The following EVL variants were observed in gnomAD, a reference collection of about 807,000 sequenced individuals.
EVL encodes ena/VASP-like protein.
EVL carries 21 observed loss-of-function variants against 59.6 expected under a neutral mutation model. That is an observed-to-expected ratio of 0.35 (90% confidence interval 0.25 to 0.51). The LOEUF is 0.51. Ranked by LOEUF, EVL falls within the 20% of genes least tolerant of loss-of-function variation. The pLI is 0.97. For missense variants in EVL, 462 were observed against 546.6 expected, an observed-to-expected ratio of 0.85 and a Z score of 1.54; for synonymous variants, 198 against 203.5, an observed-to-expected ratio of 0.97 and a Z score of 0.23.
upstream of EVL, among the ~76,000 whole-genome samples, chr14:100,062,193 G>C: frequency 7.9e-6 from 1 of 126,102 alleles, no homozygotes; most frequent in East Asian, 2.1e-4. Context: ...TGCTGTTCAA[G>C]AGTCAGCTGT....
rs138530625 is a variant in EVL, at chr14:99,984,132, C to T, written c.5+12075C>T. Among the ~76,000 whole-genome samples, 17 of 152,252 alleles carry T rather than the reference C, an allele frequency of 1.1e-4. No individual in the cohort carries two copies. In the East Asian group the frequency reaches 3.3e-3, roughly 29 times the overall value. ...CTTCTAAGGACAGCATTTCAGGTGG[C>T]CACCCCCAAATCGTAGAAGCTAGCA... On this transcript the variant is annotated intron_variant, in intron 1 of 13. Coordinates refer to the EVL transcript ENST00000402714.
chr14:100,092,568 A>G (rs1226296928), intron 2 of EVL, among the ~76,000 whole-genome samples: 2 of 152,060 alleles, frequency 1.3e-5, no homozygotes, highest in East Asian at 3.9e-4. Flanking sequence ...AACCCCATCA[A>G]TACTAAAAAT....
At chr14:100,078,970 G>A (rs1450974372) in intron 1 of EVL, among the ~76,000 whole-genome samples, 2 of 152,210 alleles carry the variant, frequency 1.3e-5, no homozygotes, top group Non-Finnish European at 2.9e-5. Flanking sequence ...GGGAGAGAGA[G>A]TGAGGCCTTG....
At chr14:100,113,888 G>A (rs760438284) in intron 3 of EVL, among the ~76,000 whole-genome samples, 5 of 152,112 alleles carry the variant, frequency 3.3e-5, no homozygotes, top group Admixed American at 6.5e-5. Flanking sequence ...CCAAAGTAAG[G>A]ATGAACCCAA....
chr14:99,993,591 C>A (rs907673246), intron 1 of EVL, among the ~76,000 whole-genome samples: 3 of 151,148 alleles, frequency 2.0e-5, no homozygotes, highest in Non-Finnish European at 4.4e-5. Context: ...TGGAAAAATT[C>A]TCCAGTGAAG....
upstream of EVL, among the ~76,000 whole-genome samples, chr14:100,061,168 A>T (rs2061821748): frequency 6.6e-6 from 1 of 152,092 alleles, no homozygotes; most frequent in African/African-American, 2.4e-5. Flanking sequence ...AGGTGGACGG[A>T]TCCCTTGAGA....
rs117240648 is a variant in EVL, at chr14:100,082,986, C to T, written c.12-1701C>T. ...GTTCTCCTGCAGGGGAACTGAAGGGCGTGCTTCCATGGCTGCCACACAGGG... is the reference window on the plus strand; with the variant it reads ...GTTCTCCTGCAGGGGAACTGAAGGGTGTGCTTCCATGGCTGCCACACAGGG... On this transcript the variant is annotated intron_variant, in intron 1 of 13. Coordinates refer to ENST00000392920, the MANE Select transcript of EVL (RefSeq NM_016337.3). 9.4e-4 allele frequency among the ~76,000 whole-genome samples: 143 copies of T among 152,310 alleles called. 1 individual carries two copies. Among genetic ancestry groups the T allele is most frequent in the East Asian group, 6.0e-3 (31 of 5,180 alleles).
intron 3 of EVL, among the ~76,000 whole-genome samples, chr14:100,123,214 G>A (rs560418758): frequency 6.6e-5 from 10 of 152,342 alleles, no homozygotes; most frequent in African/African-American, 2.4e-4. Context: ...GGGGGTGGTG[G>A]CCAGCAAGAA....
At chr14:100,075,775 G>A (rs983583676) in intron 1 of EVL, among the ~76,000 whole-genome samples, 5 of 152,178 alleles carry the variant, frequency 3.3e-5, no homozygotes, top group African/African-American at 9.7e-5. Flanking sequence ...CCTACTGAGC[G>A]TAAGGAATGT....
At chr14:100,049,439 G>C (rs1302423812) in intron 1 of EVL, among the ~76,000 whole-genome samples, 1 of 152,102 alleles carries the variant, frequency 6.6e-6, no homozygotes, top group Non-Finnish European at 1.5e-5. Context: ...TTATGTCATT[G>C]TACTCTCTGG....
At chr14:100,141,372 G>A in intron 12 of EVL, 126 bp downstream of exon 12, 1 of 978,918 alleles carries the variant, frequency 1.0e-6, no homozygotes, top group Admixed American at 2.3e-5. Flanking sequence ...GCCAGTCAGG[G>A]AGCAGCCACG....
rs1237095225 is a variant in EVL, at chr14:100,109,185, GA to G, written c.358+11529del. 1.3e-5 allele frequency among the ~76,000 whole-genome samples: 2 copies of G among 152,202 alleles called. No individual in the cohort carries two copies. The highest frequency in any genetic ancestry group is 2.9e-5 in the Non-Finnish European group (2 of 68,034). On this transcript the variant is annotated intron_variant, in intron 3 of 13. Transcript: ENST00000392920. The surrounding 1 kb of genome is among the most constrained non-coding windows in gnomAD (Gnocchi z 4.3). ...TCTCTCCCCTGACACTCTCTCCCCT[GA>G]AGTGTTGTAATGGGGTTGTAACCCA...
intron 1 of EVL, among the ~76,000 whole-genome samples, chr14:100,054,008 C>G (rs1290917430): frequency 6.7e-6 from 1 of 150,040 alleles, no homozygotes; most frequent in Admixed American, 6.6e-5. Flanking sequence ...TCTTCCCTCA[C>G]TCTGTATCAA....
chr14:99,979,395 A>G (rs2060791868), intron 1 of EVL, among the ~76,000 whole-genome samples: 1 of 152,090 alleles, frequency 6.6e-6, no homozygotes, highest in East Asian at 1.9e-4. Context: ...AAAAAATTTT[A>G]GGTCATTAAG....
chr14:100,097,975 T>C (rs1019287651), intron 3 of EVL, among the ~76,000 whole-genome samples: 9 of 152,190 alleles, frequency 5.9e-5, no homozygotes, highest in Admixed American at 5.2e-4. Flanking sequence ...TTGAGAGAGA[T>C]GGGAGAAAAC....
chr14:100,062,474 A>C (rs548456812), upstream of EVL, among the ~76,000 whole-genome samples: 5 of 152,154 alleles, frequency 3.3e-5, no homozygotes, highest in Non-Finnish European at 4.4e-5. Flanking sequence ...AGAAATTCAA[A>C]TGGAATTCTG....
chr14:100,003,239 A>G (rs905101399), intron 1 of EVL, among the ~76,000 whole-genome samples: 3 of 152,094 alleles, frequency 2.0e-5, no homozygotes, highest in Admixed American at 1.3e-4. Flanking sequence ...TTCGATTGGC[A>G]TCTCCTTCCA....
At chr14:100,024,678 G>A (rs1203654412) in intron 1 of EVL, among the ~76,000 whole-genome samples, 3 of 152,188 alleles carry the variant, frequency 2.0e-5, no homozygotes, top group African/African-American at 7.2e-5. Flanking sequence ...CTGCCCCCAG[G>A]CAGCCATGTG....
At chr14:100,017,455 T>A (rs1346528533) in intron 1 of EVL, among the ~76,000 whole-genome samples, 1 of 152,210 alleles carries the variant, frequency 6.6e-6, no homozygotes, top group Non-Finnish European at 1.5e-5. Context: ...TGTGAGATAA[T>A]AAAGCTGATG....
Sources: allele counts gnomAD v4.1 joint callset (sites outside exome capture counted in the v4.1 genomes callset), GRCh38; gene constraint gnomAD v4.1.1; non-coding constraint Gnocchi (gnomAD v3.1); transcripts MANE v1.5; gene names NCBI Gene and HGNC (gene_info 2026-07-23, HGNC 2026-07-21).